Variants in DYNC2I1 observed in about 807,000 individuals in gnomAD.
DYNC2I1 encodes cytoplasmic dynein 2 intermediate chain 1.
In DYNC2I1, 89 loss-of-function variants were observed where a neutral mutation model predicts 133.4. That is an observed-to-expected ratio of 0.67 (90% CI 0.56 to 0.80). DYNC2I1 has a LOEUF of 0.80. DYNC2I1 is among the 30% of genes least tolerant of loss of function. The pLI is 0.00. For synonymous variants in DYNC2I1, 504 were observed against 484.3 expected, an observed-to-expected ratio of 1.04 and a Z score of -0.54; for missense variants, 1,291 against 1,314.5, an observed-to-expected ratio of 0.98 and a Z score of 0.28.
At chr7:158,895,032 T>A (rs912098284) in intron 8 of DYNC2I1, among the ~76,000 whole-genome samples, 5 of 152,192 alleles carry the variant, frequency 3.3e-5, no homozygotes, top group African/African-American at 2.4e-5. Flanking sequence ...TTTTAAGAGT[T>A]CTCTGTGTGT....
At chr7:158,932,564 C>T (rs888994498) in intron 21 of DYNC2I1, among the ~76,000 whole-genome samples, 7 of 148,444 alleles carry the variant, frequency 4.7e-5, no homozygotes, top group African/African-American at 1.3e-4. Flanking sequence ...GTCTGTCTGC[C>T]GTGCTAAAGG....
Position 158,869,763 on chromosome 7 carries a change from C to A in DYNC2I1, c.16-92C>A, listed in dbSNP as rs1259446264. ...TTCTGGCATGTCAAGAATTAACTGC[C>A]ATTGATTTAAATGGCATAATGAAAA... is the stretch of plus-strand genomic sequence containing the variant. On this transcript the variant is annotated intron_variant, in intron 1 of 24. Coordinates refer to ENST00000407559, the MANE Select transcript of DYNC2I1 (RefSeq NM_018051.5). 4 of 904,718 alleles carry A rather than the reference C, an allele frequency of 4.4e-6. No individual in the cohort carries two copies. The East Asian group carries it at 1.1e-4, about 24-fold the overall frequency. 56.0% of individuals were successfully genotyped at this position (904,718 alleles called of 1,614,324 possible). A position where few individuals can be genotyped will look rare whatever the true frequency, so the allele number is the denominator to read the frequency against.
upstream of DYNC2I1, among the ~76,000 whole-genome samples, chr7:158,851,827 C>T (rs926796905): frequency 6.6e-6 from 1 of 152,154 alleles, no homozygotes; most frequent in Admixed American, 6.5e-5. Context: ...CTCTAAAGAG[C>T]ACCAGGCTAC....
chr7:158,950,323 C>T (rs1042025725), downstream of DYNC2I1, among the ~76,000 whole-genome samples: 3 of 152,226 alleles, frequency 2.0e-5, no homozygotes, highest in African/African-American at 7.2e-5. Flanking sequence ...CCTTGGCCTC[C>T]CGAAGTGCTG....
intron 3 of DYNC2I1, 76 bp downstream of exon 3, chr7:158,871,638 GCCTCC>G: frequency 7.2e-7 from 1 of 1,397,408 alleles, no homozygotes; most frequent in Non-Finnish European, 9.4e-7. Flanking sequence ...ATAGCTCGCT[GCCTCC>G]CCTCCCTCTC....
At chr7:158,894,063 C>G (rs1845510590) in intron 8 of DYNC2I1, among the ~76,000 whole-genome samples, 1 of 151,744 alleles carries the variant, frequency 6.6e-6, no homozygotes, top group Non-Finnish European at 1.5e-5. Context: ...ACATGTCACA[C>G]CACATATCAT....
intron 13 of DYNC2I1, among the ~76,000 whole-genome samples, chr7:158,913,995 C>G (rs558036183): frequency 6.6e-6 from 1 of 152,326 alleles, no homozygotes; most frequent in African/African-American, 2.4e-5. Flanking sequence ...CAGGCGTGAG[C>G]CACCATGCCT....
chr7:158,861,457 G>C (rs965923420), intron 1 of DYNC2I1, among the ~76,000 whole-genome samples: 1 of 152,152 alleles, frequency 6.6e-6, no homozygotes, highest in East Asian at 1.9e-4. Context: ...TTCCCGTCCC[G>C]CCTGCAGTTA....
chr7:158,894,888 G>A (rs1241062979), intron 8 of DYNC2I1, among the ~76,000 whole-genome samples: 3 of 152,162 alleles, frequency 2.0e-5, no homozygotes, highest in Non-Finnish European at 2.9e-5. Flanking sequence ...AAGGATCACC[G>A]TCCTTTTAAT....
intron 24 of DYNC2I1, among the ~76,000 whole-genome samples, chr7:158,944,546 C>T (rs1008079141): frequency 2.6e-5 from 4 of 152,178 alleles, no homozygotes; most frequent in Non-Finnish European, 5.9e-5. Context: ...GGTGAAAATC[C>T]GAGTGGCTTG....
chr7:158,884,515 A>G, intron 5 of DYNC2I1, 49 bp from the exon 6 acceptor site: 1 of 1,567,278 alleles, frequency 6.4e-7, no homozygotes, highest in Middle Eastern at 1.7e-4. Context: ...TGCTTACTTC[A>G]TTCCGATATG....
intron 1 of DYNC2I1, among the ~76,000 whole-genome samples, chr7:158,866,943 C>G (rs535771690): frequency 4.0e-5 from 6 of 150,254 alleles, no homozygotes; most frequent in Non-Finnish European, 8.9e-5. Context: ...TTTGTTTGCC[C>G]TAATTTTCAC....
chr7:158,871,106 C>G (rs1207286071), intron 2 of DYNC2I1, 36 bp from the exon 3 acceptor site: 1 of 1,573,320 alleles, frequency 6.4e-7, no homozygotes, highest in East Asian at 2.2e-5. Flanking sequence ...AATCTGCCTT[C>G]CTGGTCACGG....
chr7:158,945,160 G>A lies in DYNC2I1; in HGVS notation c.3003-421G>A, dbSNP rs1457690234. Among the ~76,000 whole-genome samples the A allele has an allele frequency of 1.3e-5, 2 of 152,096 alleles. No homozygotes were observed. Among genetic ancestry groups the A allele is most frequent in the South Asian group, 2.1e-4 (1 of 4,814 alleles). ...ATGGAGGCCAGGAGTGGAGGGGTCC[G>A]GGGCTCCAGGGTGAGTCCGGGCTGG... On this transcript the variant is annotated intron_variant, in intron 24 of 24. Coordinates refer to ENST00000407559, the MANE Select transcript of DYNC2I1 (RefSeq NM_018051.5). The surrounding 1 kb of genome is among the most constrained non-coding windows in gnomAD (Gnocchi z 4.1).
intron 1 of DYNC2I1, among the ~76,000 whole-genome samples, chr7:158,869,208 TGA>T (rs1329315113): frequency 2.0e-5 from 3 of 151,678 alleles, no homozygotes; most frequent in Non-Finnish European, 1.5e-5. Context: ...GCATCTGCTG[TGA>T]GGGACCCCTC....
chr7:158,926,552 C>CATT, intron 19 of DYNC2I1, 89 bp downstream of exon 19: 2 of 1,413,898 alleles, frequency 1.4e-6, no homozygotes, highest in South Asian at 2.5e-5. Context: ...GGGGCGGGAC[C>CATT]CAGTTAGCTG....
chr7:158,937,738 ATC>A (rs1208449714), intron 23 of DYNC2I1, among the ~76,000 whole-genome samples: 1 of 152,084 alleles, frequency 6.6e-6, no homozygotes. Flanking sequence ...GGGAGACCCT[ATC>A]TCTACAAAAA....
the DYNC2I1 span, among the ~76,000 whole-genome samples, chr7:158,849,509 G>A: frequency 3.7e-4 from 56 of 152,310 alleles, no homozygotes; most frequent in African/African-American, 1.3e-3. Context: ...CAAGTGAAGG[G>A]TGAACAACAC....
chr7:158,866,327 CTT>C (rs200897824), intron 1 of DYNC2I1, among the ~76,000 whole-genome samples: 1,953 of 151,426 alleles, frequency 0.013, 19 homozygotes, highest in South Asian at 0.035. Context: ...GGCATCCCTT[CTT>C]TGTGGTGCCC....
Sources: gnomAD v4.1 joint callset for allele counts (sites outside exome capture counted in the v4.1 genomes callset) on GRCh38, gnomAD v4.1.1 for gene constraint, Gnocchi (gnomAD v3.1) non-coding constraint, MANE v1.5 for transcripts, NCBI Gene and HGNC (gene_info 2026-07-23, HGNC 2026-07-21) for gene names.